Variants in SVIL observed in about 807,000 individuals in gnomAD.
SVIL encodes the protein supervillin.
SVIL carries 101 observed loss-of-function variants against 240.4 expected under a neutral mutation model. That is an observed-to-expected ratio of 0.42 (90% confidence interval 0.36 to 0.50). SVIL has a LOEUF of 0.50. Ranked by LOEUF, SVIL falls within the 20% of genes least tolerant of loss-of-function variation. The pLI, the probability that SVIL is intolerant of heterozygous loss-of-function variation, is 0.01. For synonymous variants in SVIL, 999 were observed against 1,100.0 expected (o/e 0.91, Z 1.82); for missense variants, 2,512 against 2,818.7 (o/e 0.89, Z 2.46).
chr10:29,657,292 C>T (rs1402515935), intron 3 of SVIL, among the ~76,000 whole-genome samples: 1 of 152,210 alleles, frequency 6.6e-6, no homozygotes, highest in African/African-American at 2.4e-5. Flanking sequence ...AAATGGAACA[C>T]TGGTCTTAAG....
At position 29,532,254 on chromosome 10, in the gene SVIL, C is replaced by G. The variant is rs1256525271; in HGVS notation, c.1839-82G>C. Reference sequence around the variant, plus strand: ...AAGATGGCAAAGGATTATGCATCTCCGTGAGTCAAGGGACAGACACCACCA... The same window carrying G: ...AAGATGGCAAAGGATTATGCATCTCGGTGAGTCAAGGGACAGACACCACCA... On this transcript the variant is annotated intron_variant, in intron 8 of 37. Transcript: ENST00000355867. 2.7e-6 allele frequency: 4 copies of G among 1,502,682 alleles called. No individual in the cohort carries two copies. The East Asian group carries it at 6.8e-5, about 26-fold the overall frequency. The allele number at this position is 1,502,682 out of a possible 1,614,324, so 93.1% of individuals were successfully genotyped here. A position where few individuals can be genotyped will look rare whatever the true frequency, so the allele number is the denominator to read the frequency against.
intron 7 of SVIL, among the ~76,000 whole-genome samples, chr10:29,535,328 C>T (rs952636362): frequency 6.6e-6 from 1 of 152,114 alleles, no homozygotes; most frequent in Non-Finnish European, 1.5e-5. Context: ...TTCCAGTTCT[C>T]CTGTGGAATG....
rs1291956115 is a variant in SVIL, at chr10:29,661,218, T to C, written c.-300-3150A>G. 2.7e-5 allele frequency among the ~76,000 whole-genome samples: 4 copies of C among 150,076 alleles called. No individual in the cohort carries two copies. The East Asian group carries it at 7.8e-4, about 29-fold the overall frequency. On this transcript the variant is annotated intron_variant, in intron 2 of 35. Transcript: ENST00000375400. ...CTGAAACACTTGAGTCCTAGAAATC[T>C]GGTTTGCTTAAAGACAAAGGGAAAA...
intron 3 of SVIL, among the ~76,000 whole-genome samples, chr10:29,654,570 T>G (rs1270426842): frequency 6.6e-6 from 1 of 152,208 alleles, no homozygotes; most frequent in Non-Finnish European, 1.5e-5. Flanking sequence ...CAATACTGTA[T>G]TAGTCAGGGT....
At position 29,555,157 on chromosome 10, in the gene SVIL, G is replaced by A. The variant is rs1053818305; in HGVS notation, c.-50-49C>T. 4.0e-6 allele frequency: 6 copies of A among 1,503,774 alleles called. No homozygotes were observed. In the African/African-American group the frequency reaches 5.6e-5, roughly 14 times the overall value. 93.2% of individuals were successfully genotyped at this position (1,503,774 alleles called of 1,614,324 possible). A position where few individuals can be genotyped will look rare whatever the true frequency, so the allele number is the denominator to read the frequency against. ...AAAATATAGTATTTAGTAGTCGTGC[G>A]CTCATTTTATTCACTCATGCAACGT... is the stretch of plus-strand genomic sequence containing the variant. On this transcript the variant is annotated intron_variant, in intron 3 of 37. Transcript: ENST00000355867.
intron 1 of SVIL, among the ~76,000 whole-genome samples, chr10:29,699,138 A>C (rs577691919): frequency 1.3e-5 from 2 of 151,882 alleles, no homozygotes; most frequent in Admixed American, 1.3e-4. Flanking sequence ...GTTATTTTTT[A>C]TTTTTTTTAG....
intron 1 of SVIL, among the ~76,000 whole-genome samples, chr10:29,629,512 C>T (rs1272678209): frequency 6.6e-6 from 1 of 152,108 alleles, no homozygotes; most frequent in African/African-American, 2.4e-5. Context: ...TTGGGCTGCA[C>T]TGGCTAAAGC....
intron 3 of SVIL, among the ~76,000 whole-genome samples, chr10:29,561,609 A>G (rs1254032768): frequency 6.7e-6 from 1 of 149,344 alleles, no homozygotes; most frequent in African/African-American, 2.5e-5. Flanking sequence ...TGTCTTTCAC[A>G]GAGAGTCCTA....
chr10:29,593,149 A>G (rs919132381), intron 1 of SVIL, among the ~76,000 whole-genome samples: 7 of 151,242 alleles, frequency 4.6e-5, no homozygotes, highest in African/African-American at 1.7e-4. Context: ...GTTAGAGAAT[A>G]CTTGTTGAAA....
intron 34 of SVIL, among the ~76,000 whole-genome samples, chr10:29,464,858 A>C (rs896331452): frequency 0.15 from 682 of 4,588 alleles, 8 homozygotes; most frequent in African/African-American, 0.34. Context: ...GCTTCATTGG[A>C]GGGTGGGTGG....
chr10:29,535,445 G>T (rs1470226430), intron 7 of SVIL, among the ~76,000 whole-genome samples: 1 of 152,154 alleles, frequency 6.6e-6, no homozygotes, highest in East Asian at 1.9e-4. Flanking sequence ...TACTCATTCT[G>T]ACTCCTTCCG....
rs566934501 is a variant in SVIL, at chr10:29,614,902, T to C, written c.-201+19518A>G. On this transcript the variant is annotated intron_variant, in intron 1 of 37. Coordinates refer to ENST00000355867, the MANE Select transcript of SVIL (RefSeq NM_021738.3). ...CATCATCATTCAATAAACATGCCCA[T>C]GCTGCAAGTGGCGCTTTTGGTGTTC... Among the ~76,000 whole-genome samples, 75 of 152,328 alleles carry C rather than the reference T, an allele frequency of 4.9e-4. 1 individual carries two copies. In the South Asian group the frequency reaches 0.014, roughly 29 times the overall value.
intron 35 of SVIL, 103 bp from the exon 36 acceptor site, chr10:29,462,504 T>G: frequency 6.8e-7 from 1 of 1,467,156 alleles, no homozygotes; most frequent in East Asian, 2.3e-5. Context: ...CATGACTTCA[T>G]GCTTAAAATG....
chr10:29,736,289 A>G (rs1252375583), upstream of SVIL, among the ~76,000 whole-genome samples: 3 of 152,152 alleles, frequency 2.0e-5, no homozygotes, highest in Non-Finnish European at 4.4e-5. Flanking sequence ...AAAACACCGG[A>G]AAGGCAGATT....
rs1382076322 is a variant in SVIL, at chr10:29,735,440, G to T, written c.-400+311C>A. 6.6e-6 allele frequency among the ~76,000 whole-genome samples: 1 copy of T among 151,910 alleles called. No homozygotes were observed. The highest frequency in any genetic ancestry group is 6.6e-5 in the Admixed American group (1 of 15,254). ...CTCCGCGGAGAGAAACCCTGCCCCG[G>T]CCCGCTCCTCCCCGAGGCGCGCTCC... On this transcript the variant is annotated intron_variant, in intron 1 of 35. Coordinates refer to the SVIL transcript ENST00000375400. This position sits in a 1 kb window ranked among gnomAD's most constrained non-coding sequence, Gnocchi z 4.1.
rs1047371146 is a variant in SVIL at position 29,734,875 on chromosome 10, T to A, written c.-400+876A>T. Among the ~76,000 whole-genome samples the A allele has an allele frequency of 2.6e-5, 4 of 152,154 alleles. No homozygotes were observed. The East Asian group carries it at 5.8e-4, about 22-fold the overall frequency. On this transcript the variant is annotated intron_variant, in intron 1 of 35. Coordinates refer to the SVIL transcript ENST00000375400. Reference sequence around the variant, plus strand: ...GGCACAAGTTATCACAACCTCGGGATGGGGCTGGGGATGGCGGACAGGAGC... The same window carrying A: ...GGCACAAGTTATCACAACCTCGGGAAGGGGCTGGGGATGGCGGACAGGAGC...
chr10:29,524,528 T>C lies in SVIL; in HGVS notation c.2530A>G (p.Arg844Gly). ...GTTTGATAGCGAGCGTTCATTCTCC[T>C]CTGTCTCGTGTCTATTCTGTTCCGG... ...STRNRIDTRQ[R>G]RMNARYQTQP... Residue 844 changes from arginine to glycine, a missense_variant, in exon 14 of 38, where the codon AGG (arginine) becomes GGG (glycine). Arg to Gly is a moderately radical substitution (Grantham distance 125). This residue lies in a region of SVIL where 1,443 missense variants were observed against 1,486.6 expected (regional missense o/e 0.97). Transcript: ENST00000355867. The C allele has an allele frequency of 1.9e-6, 3 of 1,614,214 alleles. No homozygotes were observed. The highest frequency in any genetic ancestry group is 2.2e-5 in the East Asian group (1 of 44,860).
chr10:29,725,884 G>C (rs1317713631), intron 1 of SVIL, among the ~76,000 whole-genome samples: 1 of 152,126 alleles, frequency 6.6e-6, no homozygotes, highest in Non-Finnish European at 1.5e-5. Flanking sequence ...GAGAGAGTGG[G>C]GCTAGGGCTA....
chr10:29,689,575 C>T (rs143064539), intron 1 of SVIL, among the ~76,000 whole-genome samples: 275 of 152,348 alleles, frequency 1.8e-3, no homozygotes, highest in African/African-American at 6.2e-3. Context: ...CGAGCCACCG[C>T]GCCCAGCCGA....
Sources: gnomAD v4.1 joint callset for allele counts (sites outside exome capture counted in the v4.1 genomes callset) on GRCh38, gnomAD v4.1.1 for gene constraint, gnomAD v4.1.1 regional missense constraint, Gnocchi (gnomAD v3.1) non-coding constraint, MANE v1.5 for transcripts, NCBI Gene and HGNC (gene_info 2026-07-23, HGNC 2026-07-21) for gene names.